Variants in GSG1L observed in about 807,000 individuals in gnomAD.
GSG1L encodes GSG1 like, also known as germ cell-specific gene 1-like protein.
Under a neutral mutation model 42.1 loss-of-function variants are expected in GSG1L, and 24 were observed. The observed-to-expected ratio is 0.57, with a 90% CI of 0.41 to 0.80. The LOEUF (loss-of-function observed/expected upper bound fraction) is 0.80, where lower values mean the gene tolerates loss of function less well. Among genes scored for constraint, GSG1L ranks in the 30% least tolerant of loss-of-function variants. The pLI is 0.00. For missense variants in GSG1L, 445 were observed against 472.2 expected, an observed-to-expected ratio of 0.94 and a Z score of 0.53; for synonymous variants, 215 against 203.5, an observed-to-expected ratio of 1.06 and a Z score of -0.48.
intron 3 of GSG1L, among the ~76,000 whole-genome samples, chr16:27,868,859 C>T (rs959945469): frequency 4.6e-5 from 7 of 152,166 alleles, no homozygotes; most frequent in Admixed American, 4.6e-4. Context: ...AGCTCGCTCA[C>T]TCATCCACAT....
intron 3 of GSG1L, among the ~76,000 whole-genome samples, chr16:27,883,674 C>A (rs1423246257): frequency 6.6e-6 from 1 of 152,148 alleles, no homozygotes; most frequent in African/African-American, 2.4e-5. Context: ...TTTTTAGGAA[C>A]AAATGTCTTA....
rs114069144 is a variant in GSG1L at position 27,878,556 on chromosome 16, C to T, written c.550+5930G>A. ...TTTGGGTGGAGACACAGAGGTAAAC[C>T]ATATCAAGCTGGGACTGGACTACAG... On this transcript the variant is annotated intron_variant, in intron 3 of 6. Transcript: ENST00000447459. Among the ~76,000 whole-genome samples, 1,013 of 152,218 alleles carry T rather than the reference C, an allele frequency of 6.7e-3. 13 individuals carry two copies. The highest frequency in any genetic ancestry group is 0.023 in the African/African-American group (937 of 41,540).
chr16:27,965,789 C>G (rs567844204), intron 1 of GSG1L, among the ~76,000 whole-genome samples: 1 of 152,360 alleles, frequency 6.6e-6, no homozygotes, highest in Admixed American at 6.5e-5. Context: ...GCACTGGTCT[C>G]TCTCTTTCTG....
chr16:27,913,076 G>A (rs1418748945), intron 2 of GSG1L, among the ~76,000 whole-genome samples: 1 of 152,092 alleles, frequency 6.6e-6, no homozygotes, highest in Non-Finnish European at 1.5e-5. Flanking sequence ...TCCTGCCTCA[G>A]CCTCCCAAAG....
chr16:27,911,613 G>C (rs2084392126), intron 2 of GSG1L, among the ~76,000 whole-genome samples: 1 of 151,970 alleles, frequency 6.6e-6, no homozygotes, highest in South Asian at 2.1e-4. Context: ...GAATATCCTG[G>C]GTATTTTCTG....
rs113371855 is a variant in GSG1L, at chr16:27,791,234, G to A, written c.*136C>T. On this transcript the variant is annotated 3_prime_UTR_variant, in exon 7 of 7. Coordinates refer to ENST00000447459, the MANE Select transcript of GSG1L (RefSeq NM_001109763.2). Reference sequence around the variant, plus strand: ...ACCCAGGCAGCGATGGGCAGGACAGGCCTGGCATCTCCCACGCAGGCTGAC... The same window carrying A: ...ACCCAGGCAGCGATGGGCAGGACAGACCTGGCATCTCCCACGCAGGCTGAC... 3.3e-3 allele frequency: 1,611 copies of A among 495,322 alleles called. 11 individuals carry two copies. The highest frequency in any genetic ancestry group is 0.019 in the African/African-American group (982 of 50,478). 30.7% of individuals were successfully genotyped at this position (495,322 alleles called of 1,614,324 possible).
chr16:27,826,871 A>T (rs1273875330), intron 5 of GSG1L, among the ~76,000 whole-genome samples: 2 of 152,188 alleles, frequency 1.3e-5, no homozygotes, highest in Non-Finnish European at 2.9e-5. Context: ...TACTGAGCAG[A>T]TCTGTCCAGG....
chr16:27,991,211 A>G (rs2085452188), intron 1 of GSG1L, among the ~76,000 whole-genome samples: 1 of 152,174 alleles, frequency 6.6e-6, no homozygotes, highest in Admixed American at 6.5e-5. Context: ...TTTGCCTACA[A>G]TTTGGACTGA....
intron 1 of GSG1L, among the ~76,000 whole-genome samples, chr16:27,977,052 C>T (rs2085259130): frequency 6.6e-6 from 1 of 152,194 alleles, no homozygotes; most frequent in Non-Finnish European, 1.5e-5. Context: ...GCCAGGATCC[C>T]ACAACCCGGA....
rs1040028558 is a variant in GSG1L, at chr16:27,943,562, G to C, written c.397+19594C>G. On this transcript the variant is annotated intron_variant, in intron 2 of 6. Transcript: ENST00000447459. The stretch of plus-strand genomic sequence containing the variant: ...ATCAGCTAACATTTTCTTTTTCTTT[G>C]TTTCTTTTTTTTTTTTTTTTTTTTT... Among the ~76,000 whole-genome samples the C allele has an allele frequency of 1.6e-4, 11 of 67,794 alleles. No homozygotes were observed. In the South Asian group the frequency reaches 2.1e-3, roughly 13 times the overall value. The allele number at this position is 67,794 out of a possible 152,430, so 44.5% of individuals were successfully genotyped here.
In GSG1L at chr16:27,791,347, C is replaced by T. The variant is rs371182814; in HGVS notation, c.*23G>A. The stretch of plus-strand genomic sequence containing the variant: ...CTGGTGCCAGCGATGGCCTGAGGTC[C>T]GCGGGCCAGGTTGAGGTCTTGGTCA... On this transcript the variant is annotated 3_prime_UTR_variant, in exon 7 of 7. Coordinates refer to ENST00000447459, the MANE Select transcript of GSG1L (RefSeq NM_001109763.2). 30 of 1,357,760 alleles carry T rather than the reference C, an allele frequency of 2.2e-5. No homozygotes were observed. Among genetic ancestry groups the T allele is most frequent in the Admixed American group, 8.6e-5 (3 of 35,000 alleles). The allele number at this position is 1,357,760 out of a possible 1,614,324, so 84.1% of individuals were successfully genotyped here. A position where few individuals can be genotyped will look rare whatever the true frequency, so the allele number is the denominator to read the frequency against.
intron 2 of GSG1L, among the ~76,000 whole-genome samples, chr16:27,901,536 G>A (rs898708665): frequency 1.3e-5 from 2 of 152,216 alleles, no homozygotes; most frequent in African/African-American, 4.8e-5. Flanking sequence ...CTCTGCTACA[G>A]GAGCGGTTCT....
rs554674799 is a variant in GSG1L, at chr16:27,808,012, C to T, written c.831-458G>A. On this transcript the variant is annotated intron_variant, in intron 5 of 6. Transcript: ENST00000447459. Reference sequence around the variant, plus strand: ...CATAATGAATATAGGGAATTAACTCCGGAGGCTTCTTTTTGCTAACTTTAT... The same window carrying T: ...CATAATGAATATAGGGAATTAACTCTGGAGGCTTCTTTTTGCTAACTTTAT... Among the ~76,000 whole-genome samples, 54 of 152,250 alleles carry T rather than the reference C, an allele frequency of 3.5e-4. No individual in the cohort carries two copies. In the South Asian group the frequency reaches 3.7e-3, roughly 11 times the overall value.
intron 1 of GSG1L, among the ~76,000 whole-genome samples, chr16:28,034,867 G>T (rs1249148742): frequency 6.6e-6 from 1 of 152,194 alleles, no homozygotes; most frequent in Non-Finnish European, 1.5e-5. Context: ...TGGAGGTGCA[G>T]GGGAATTGCC....
At chr16:27,843,854 A>G (rs1474749184) in intron 4 of GSG1L, among the ~76,000 whole-genome samples, 1 of 152,218 alleles carries the variant, frequency 6.6e-6, no homozygotes, top group African/African-American at 2.4e-5. Flanking sequence ...GAGAGAGAAT[A>G]TGACCTAAGC....
At chr16:27,888,769 C>A (rs2084086191) in intron 2 of GSG1L, among the ~76,000 whole-genome samples, 1 of 151,664 alleles carries the variant, frequency 6.6e-6, no homozygotes, top group Non-Finnish European at 1.5e-5. Context: ...AGGCACCCAC[C>A]ACCATGCCCG....
chr16:27,795,857 A>G (rs1197394382), intron 6 of GSG1L, among the ~76,000 whole-genome samples: 1 of 152,234 alleles, frequency 6.6e-6, no homozygotes, highest in East Asian at 1.9e-4. Flanking sequence ...CCCTCAGTGA[A>G]GAATCACTGT....
chr16:27,979,661 A>AAGAAAGAGAGAGAG (rs368394279), intron 1 of GSG1L, among the ~76,000 whole-genome samples: 1 of 67,698 alleles, frequency 1.5e-5, no homozygotes, highest in African/African-American at 6.5e-5. Flanking sequence ...GAAAGAAAGA[A>AAGAAAGAGAGAGAG]AGAGAGAGAG....
intron 2 of GSG1L, among the ~76,000 whole-genome samples, chr16:27,893,514 G>C (rs550785469): frequency 6.6e-6 from 1 of 152,308 alleles, no homozygotes; most frequent in East Asian, 1.9e-4. Flanking sequence ...GGAAAGAGTT[G>C]AAGAAAGTTA....
Sources: allele counts gnomAD v4.1 joint callset (sites outside exome capture counted in the v4.1 genomes callset), GRCh38; gene constraint gnomAD v4.1.1; transcripts MANE v1.5; gene names NCBI Gene and HGNC (gene_info 2026-07-23, HGNC 2026-07-21).